The following HMGXB4 variants were observed in gnomAD, a reference collection of about 807,000 sequenced individuals.
HMGXB4 encodes the protein HMG domain-containing protein 4.
Under a neutral mutation model 63.9 loss-of-function variants are expected in HMGXB4, and 27 were observed. The observed-to-expected ratio is 0.42, with a 90% CI of 0.31 to 0.58. The LOEUF is 0.58. HMGXB4 is among the 20% of genes least tolerant of loss of function. The pLI, the probability that HMGXB4 is intolerant of heterozygous loss-of-function variation, is 0.13. For synonymous variants in HMGXB4, 264 were observed against 265.3 expected (o/e 0.99, Z 0.05); for missense variants, 624 against 700.7 (o/e 0.89, Z 1.24).
chr22:35,269,785 T>C (rs1400434539), intron 5 of HMGXB4, among the ~76,000 whole-genome samples: 1 of 152,042 alleles, frequency 6.6e-6, no homozygotes, highest in Non-Finnish European at 1.5e-5. Flanking sequence ...GACAGGAGGA[T>C]CGCTTGAGTC....
At chr22:35,289,573 G>A (rs974656000) in intron 9 of HMGXB4, among the ~76,000 whole-genome samples, 4 of 152,150 alleles carry the variant, frequency 2.6e-5, no homozygotes, top group African/African-American at 7.2e-5. Context: ...TGCATTTCCA[G>A]CAAAGTCTTG....
At chr22:35,287,739 A>G (rs1433367625) in intron 8 of HMGXB4, among the ~76,000 whole-genome samples, 1 of 152,186 alleles carries the variant, frequency 6.6e-6, no homozygotes, top group Non-Finnish European at 1.5e-5. Flanking sequence ...ACCTGAGGTC[A>G]GGAGTTCGAC....
At position 35,264,749 on chromosome 22, in the gene HMGXB4, G is replaced by A; in HGVS notation, c.361G>A (p.Ala121Thr). 1 of 1,614,150 alleles carries A rather than the reference G, an allele frequency of 6.2e-7. No individual in the cohort carries two copies. The highest frequency in any genetic ancestry group is 8.5e-7 in the Non-Finnish European group (1 of 1,180,004). The change falls in exon 5 of 11, where the codon GCA becomes ACA. Residue 121 changes from alanine to threonine, a missense_variant. Transcript: ENST00000216106. The stretch of plus-strand genomic sequence containing the variant: ...GTTGAAAGCTATCACTTCCCCACTG[G>A]CAGCAGGCTCCAAGCCCTCCAAAAA... ...DLLKAITSPL[A>T]AGSKPSKKTG...
intron 3 of HMGXB4, 21 bp from the exon 4 acceptor site, chr22:35,263,775 T>C (rs755403494): frequency 5.1e-6 from 8 of 1,562,074 alleles, no homozygotes; most frequent in Non-Finnish European, 7.1e-6. Flanking sequence ...TTATTATTGG[T>C]CAATTCTTCT....
At chr22:35,283,772 A>G (rs578143520) in intron 5 of HMGXB4, among the ~76,000 whole-genome samples, 190 bp from the exon 6 acceptor site, 39 of 148,464 alleles carry the variant, frequency 2.6e-4, no homozygotes, top group African/African-American at 8.9e-4. Context: ...CCTGGGCGAC[A>G]GAGTGAGACT....
intron 5 of HMGXB4, among the ~76,000 whole-genome samples, chr22:35,268,612 C>T (rs1483645801): frequency 2.0e-5 from 3 of 152,192 alleles, no homozygotes; most frequent in African/African-American, 4.8e-5. Flanking sequence ...ACCAGGACCA[C>T]GTCTGTCTTG....
intron 5 of HMGXB4, among the ~76,000 whole-genome samples, chr22:35,282,246 G>T (rs564676199): frequency 6.6e-6 from 1 of 152,064 alleles, no homozygotes; most frequent in Non-Finnish European, 1.5e-5. Context: ...GTGCAATCTC[G>T]GCTTACTGCA....
chr22:35,272,496 T>G (rs907576912), intron 5 of HMGXB4, among the ~76,000 whole-genome samples: 1 of 152,202 alleles, frequency 6.6e-6, no homozygotes, highest in Non-Finnish European at 1.5e-5. Context: ...GTAGAGAAAT[T>G]ATATGGTAAT....
At chr22:35,274,264 C>T (rs987393284) in intron 5 of HMGXB4, among the ~76,000 whole-genome samples, 2 of 152,198 alleles carry the variant, frequency 1.3e-5, no homozygotes, top group African/African-American at 4.8e-5. Flanking sequence ...GGAGTAGGCA[C>T]CTCAGTCATG....
rs915826130 is a variant in HMGXB4, at chr22:35,294,859, C to G, written c.*1208C>G. On this transcript the variant is annotated 3_prime_UTR_variant, in exon 11 of 11. Coordinates refer to ENST00000216106, the MANE Select transcript of HMGXB4 (RefSeq NM_001003681.3). ...TTTCCTTCCTTCCTCCTGGTCTGTT[C>G]CAAAAACTCTGAATCATCTACATTT... is the stretch of plus-strand genomic sequence containing the variant. 5.9e-5 allele frequency: 9 copies of G among 151,974 alleles called. No homozygotes were observed. Among genetic ancestry groups the G allele is most frequent in the African/African-American group, 2.2e-4 (9 of 41,368 alleles). The allele number at this position is 151,974 out of a possible 1,614,324, so 9.4% of individuals were successfully genotyped here.
At chr22:35,274,024 T>G (rs759863563) in intron 5 of HMGXB4, among the ~76,000 whole-genome samples, 4 of 152,224 alleles carry the variant, frequency 2.6e-5, no homozygotes, top group Non-Finnish European at 5.9e-5. Context: ...TACTCTGCTC[T>G]TAAATCCTCC....
intron 9 of HMGXB4, among the ~76,000 whole-genome samples, chr22:35,292,486 A>G (rs1924990721): frequency 6.6e-6 from 1 of 152,244 alleles, no homozygotes; most frequent in African/African-American, 2.4e-5. Flanking sequence ...GACAATATGA[A>G]TTACATAAAA....
chr22:35,278,131 CTTAG>C (rs1924021033), intron 5 of HMGXB4, among the ~76,000 whole-genome samples: 2 of 152,208 alleles, frequency 1.3e-5, no homozygotes, highest in Non-Finnish European at 2.9e-5. Context: ...GTTTCTTGCA[CTTAG>C]TAATATGTCC....
chr22:35,251,591 T>C, the HMGXB4 span, among the ~76,000 whole-genome samples: 1 of 152,174 alleles, frequency 6.6e-6, no homozygotes, highest in Non-Finnish European at 1.5e-5. Flanking sequence ...TGCAATGCAA[T>C]ATGGGAAATG....
In HMGXB4 at chr22:35,265,077, A is replaced by G; in HGVS notation, c.689A>G (p.Asp230Gly). ...AAATCCTCAAAGAAATCAGCTCGGG[A>G]TGAGCAGGGTGCTTTACTCCTAGGA... ...VKKSSKKSAR[D>G]EQGALLLGHE... The change falls in exon 5 of 11, where the codon GAT (aspartate) becomes GGT (glycine). Residue 230 changes from aspartate to glycine, a missense_variant. By Grantham distance (94) the Asp-to-Gly change is moderately conservative. This residue lies in a region of HMGXB4 where 472 missense variants were observed against 470.6 expected (regional missense o/e 1.00). Coordinates refer to ENST00000216106, the MANE Select transcript of HMGXB4 (RefSeq NM_001003681.3). 2 of 1,614,174 alleles carry G rather than the reference A, an allele frequency of 1.2e-6. No individual in the cohort carries two copies. Among genetic ancestry groups the G allele is most frequent in the Non-Finnish European group, 1.7e-6 (2 of 1,180,022 alleles).
rs143868021 is a variant in HMGXB4, at chr22:35,288,276, C to T, written c.1507C>T (p.Pro503Ser). 171 of 1,603,204 alleles carry T rather than the reference C, an allele frequency of 1.1e-4. 1 individual carries two copies. The African/African-American group carries it at 2.0e-3, about 19-fold the overall frequency. Residue 503 changes from proline (P) to serine (S), a missense_variant, in exon 9 of 11, where the codon CCA (proline) becomes TCA (serine). Around this residue, in one of 2 missense-constraint regions of HMGXB4, gnomAD observed 152 missense variants for 230.1 expected, o/e 0.66. Coordinates refer to ENST00000216106, the MANE Select transcript of HMGXB4 (RefSeq NM_001003681.3). ...VGVLSPQKKS[P>S]PTTMLLPASP... ...AGTACTGTCACCCCAGAAGAAGTCCCCACCCACCACCATGCTGTTACCAGC... is the reference window on the plus strand; with the variant it reads ...AGTACTGTCACCCCAGAAGAAGTCCTCACCCACCACCATGCTGTTACCAGC...
chr22:35,267,972 A>G (rs1407825431), intron 5 of HMGXB4, among the ~76,000 whole-genome samples: 2 of 152,346 alleles, frequency 1.3e-5, no homozygotes, highest in Non-Finnish European at 1.5e-5. Context: ...TGAAATTTAC[A>G]TATAGGGAGG....
chr22:35,261,300 G>T (rs1011210978), intron 1 of HMGXB4, among the ~76,000 whole-genome samples: 1 of 152,040 alleles, frequency 6.6e-6, no homozygotes, highest in Non-Finnish European at 1.5e-5. Flanking sequence ...GCCAGGCTCG[G>T]TGGCAGGCGC....
chr22:35,270,927 T>C (rs926496704), intron 5 of HMGXB4, among the ~76,000 whole-genome samples: 10 of 152,166 alleles, frequency 6.6e-5, no homozygotes, highest in South Asian at 2.1e-4. Context: ...TTTAAAAATA[T>C]ATTTTCCTGG....
Sources: allele counts gnomAD v4.1 joint callset (sites outside exome capture counted in the v4.1 genomes callset), GRCh38; gene constraint gnomAD v4.1.1; regional missense constraint gnomAD v4.1.1; transcripts MANE v1.5; gene names NCBI Gene and HGNC (gene_info 2026-07-23, HGNC 2026-07-21).